Variants in MCC observed in about 807,000 individuals in gnomAD.
MCC encodes the protein MCC regulator of Wnt signaling pathway.
MCC carries 90 observed loss-of-function variants against 116.2 expected under a neutral mutation model. That is an observed-to-expected ratio of 0.77 (90% CI 0.65 to 0.92). The LOEUF is 0.92. Ranked by LOEUF, MCC falls within the 40% of genes least tolerant of loss-of-function variation. The pLI, the probability that MCC is intolerant of heterozygous loss-of-function variation, is 0.00. For missense variants in MCC, 1,516 were observed against 1,312.2 expected, an observed-to-expected ratio of 1.16 and a Z score of -2.40; for synonymous variants, 578 against 510.5, an observed-to-expected ratio of 1.13 and a Z score of -1.78.
At chr5:113,105,198 G>A (rs138885736) in intron 6 of MCC, among the ~76,000 whole-genome samples, 46 of 152,288 alleles carry the variant, frequency 3.0e-4, no homozygotes, top group African/African-American at 1.1e-3. Context: ...CTGATTATAT[G>A]TAATCTTTCA....
At chr5:113,329,484 A>T (rs1767646136) in intron 3 of MCC, among the ~76,000 whole-genome samples, 1 of 135,638 alleles carries the variant, frequency 7.4e-6, no homozygotes, top group Non-Finnish European at 1.6e-5. Context: ...ACGTATACAC[A>T]CACATATATA....
At chr5:113,426,556 G>A (rs543993513) in intron 1 of MCC, among the ~76,000 whole-genome samples, 6 of 152,048 alleles carry the variant, frequency 3.9e-5, no homozygotes, top group South Asian at 4.1e-4. Context: ...CTTCATGCCC[G>A]AAACATGGTA....
At chr5:113,116,118 T>C (rs1757378737) in intron 6 of MCC, among the ~76,000 whole-genome samples, 1 of 152,134 alleles carries the variant, frequency 6.6e-6, no homozygotes, top group Non-Finnish European at 1.5e-5. Flanking sequence ...CCAGATCCCC[T>C]TTAGATAGGC....
At chr5:113,292,741 TTA>T (rs1766555017) in intron 3 of MCC, among the ~76,000 whole-genome samples, 1 of 152,136 alleles carries the variant, frequency 6.6e-6, no homozygotes, top group South Asian at 2.1e-4. Flanking sequence ...TAAACAAAGG[TTA>T]CTGGACAGCA....
intron 3 of MCC, among the ~76,000 whole-genome samples, chr5:113,184,119 A>G (rs1187867216): frequency 6.6e-6 from 1 of 152,222 alleles, no homozygotes; most frequent in Non-Finnish European, 1.5e-5. Flanking sequence ...TCTTAACATT[A>G]GAATTTGCTC....
At chr5:113,330,374 C>A (rs1412062020) in intron 3 of MCC, among the ~76,000 whole-genome samples, 1 of 152,184 alleles carries the variant, frequency 6.6e-6, no homozygotes, top group Admixed American at 6.5e-5. Flanking sequence ...CATTCCTGTA[C>A]CTTTTTTCTC....
chr5:113,240,900 T>C (rs1764339656), intron 3 of MCC, among the ~76,000 whole-genome samples: 1 of 152,098 alleles, frequency 6.6e-6, no homozygotes, highest in African/African-American at 2.4e-5. Context: ...GGCGAGGAAG[T>C]TATTTGACTC....
chr5:113,451,304 G>A lies in MCC; in HGVS notation c.170+36941C>T, dbSNP rs113567729. Among the ~76,000 whole-genome samples, 319 of 152,344 alleles carry A rather than the reference G, an allele frequency of 2.1e-3. 6 individuals are homozygous for A. The highest frequency in any genetic ancestry group is 6.9e-3 in the African/African-American group (289 of 41,586). On this transcript the variant is annotated intron_variant, in intron 1 of 18. Coordinates refer to ENST00000408903, the MANE Select transcript of MCC (RefSeq NM_001085377.2). ...AAGGGATCTTTTAGGAAGAGATGAA[G>A]AAAGAATAACGATTTAGCAACTAGC...
chr5:113,091,794 AG>A (rs753742219), intron 8 of MCC, among the ~76,000 whole-genome samples: 3 of 152,052 alleles, frequency 2.0e-5, no homozygotes, highest in Non-Finnish European at 4.4e-5. Context: ...CTGAGGTGGG[AG>A]GATTGCTTGA....
At chr5:113,254,981 A>G (rs958898779) in intron 3 of MCC, among the ~76,000 whole-genome samples, 1 of 152,208 alleles carries the variant, frequency 6.6e-6, no homozygotes, top group African/African-American at 2.4e-5. Context: ...CCTGACCAAC[A>G]TGGTGAAACC....
At chr5:113,167,872 C>T (rs554467311) in intron 3 of MCC, among the ~76,000 whole-genome samples, 6 of 152,236 alleles carry the variant, frequency 3.9e-5, no homozygotes, top group African/African-American at 1.4e-4. Flanking sequence ...TTAAGCAATC[C>T]TCCTACCACA....
chr5:113,277,662 T>C (rs953447929), intron 3 of MCC, among the ~76,000 whole-genome samples: 6 of 152,238 alleles, frequency 3.9e-5, no homozygotes, highest in Admixed American at 3.9e-4. Context: ...TATATATACA[T>C]AAAATGCTAG....
At chr5:113,091,203 C>T (rs919122331) in intron 8 of MCC, among the ~76,000 whole-genome samples, 11 of 152,246 alleles carry the variant, frequency 7.2e-5, no homozygotes, top group African/African-American at 2.7e-4. Context: ...CAAATTTATA[C>T]TATCTGCATA....
At chr5:113,400,698 AG>A (rs1284253427) in intron 1 of MCC, among the ~76,000 whole-genome samples, 1 of 152,204 alleles carries the variant, frequency 6.6e-6, no homozygotes, top group Non-Finnish European at 1.5e-5. Context: ...TTCATTTTAC[AG>A]GGTCTATCAG....
At chr5:113,091,760 C>T (rs1370008890) in intron 8 of MCC, among the ~76,000 whole-genome samples, 1 of 151,996 alleles carries the variant, frequency 6.6e-6, no homozygotes, top group Non-Finnish European at 1.5e-5. Flanking sequence ...GTGCGTGAGC[C>T]AGTAGTCCCA....
chr5:113,134,555 C>CTTTTTTTTTTTTTTTTTTTT, intron 5 of MCC, among the ~76,000 whole-genome samples: 1 of 30,126 alleles, frequency 3.3e-5, no homozygotes, highest in Non-Finnish European at 6.0e-5. Flanking sequence ...GCTATTTGGG[C>CTTTTTTTTTTTTTTTTTTTT]TTTTTTTTTT....
At chr5:113,104,062 T>G (rs13173830) in intron 7 of MCC, 130 bp downstream of exon 7, 564,059 of 924,952 alleles carry the variant, frequency 0.61, 180,141 homozygotes, top group East Asian at 0.66. Context: ...CGTGGCTCAA[T>G]CTATTGTATG....
chr5:113,065,826 C>G (rs1175200954), intron 13 of MCC, among the ~76,000 whole-genome samples: 3 of 152,176 alleles, frequency 2.0e-5, no homozygotes, highest in African/African-American at 7.2e-5. Context: ...GATGGGCCAG[C>G]CACTCCTGTC....
chr5:113,128,076 G>A (rs904106796), intron 5 of MCC, among the ~76,000 whole-genome samples: 2 of 152,228 alleles, frequency 1.3e-5, no homozygotes, highest in African/African-American at 4.8e-5. Flanking sequence ...AATCAGAAGA[G>A]GGAAAAGTCA....
Sources: gnomAD v4.1 joint callset for allele counts (sites outside exome capture counted in the v4.1 genomes callset) on GRCh38, gnomAD v4.1.1 for gene constraint, MANE v1.5 for transcripts, NCBI Gene and HGNC (gene_info 2026-07-23, HGNC 2026-07-21) for gene names.